The following CEACAM6 variants were observed in gnomAD, a reference collection of about 807,000 sequenced individuals.
CEACAM6 encodes the protein CEA cell adhesion molecule 6.
Under a neutral mutation model 32.4 loss-of-function variants are expected in CEACAM6, and 21 were observed. The observed-to-expected ratio is 0.65, with a 90% CI of 0.46 to 0.93. The LOEUF (loss-of-function observed/expected upper bound fraction) is 0.93. Ranked by LOEUF, CEACAM6 falls within the 40% of genes least tolerant of loss-of-function variation. The pLI, the probability that CEACAM6 is intolerant of heterozygous loss-of-function variation, is 0.00. For missense variants in CEACAM6, 406 were observed against 432.2 expected (o/e 0.94, Z 0.54); for synonymous variants, 184 against 174.4 (o/e 1.06, Z -0.43).
chr19:41,764,767 A>T (rs1410263333), intron 4 of CEACAM6, among the ~76,000 whole-genome samples: 1 of 151,968 alleles, frequency 6.6e-6, no homozygotes, highest in Non-Finnish European at 1.5e-5. Flanking sequence ...TGTTTCCTTC[A>T]TTCACTATCT....
chr19:41,766,273 T>G lies in CEACAM6; in HGVS notation c.*14T>G, dbSNP rs782802201. On this transcript the variant is annotated 3_prime_UTR_variant, in exon 5 of 6. Coordinates refer to ENST00000199764, the MANE Select transcript of CEACAM6 (RefSeq NM_002483.7). ...GCTCTGATATAGCAGCCCTGGTGTATTTTCGATATTTCAGGAAGACTGGCA... is the reference window on the plus strand; with the variant it reads ...GCTCTGATATAGCAGCCCTGGTGTAGTTTCGATATTTCAGGAAGACTGGCA... 2 of 1,569,218 alleles carry G rather than the reference T, an allele frequency of 1.3e-6. No individual in the cohort carries two copies. The highest frequency in any genetic ancestry group is 2.8e-5 in the African/African-American group (2 of 72,666).
In CEACAM6 at chr19:41,761,510, T is replaced by A. The variant is rs782730368; in HGVS notation, c.686T>A (p.Val229Asp). The A allele has an allele frequency of 6.2e-7, 1 of 1,614,026 alleles. No homozygotes were observed. Among genetic ancestry groups the A allele is most frequent in the African/African-American group, 1.3e-5 (1 of 74,906 alleles). ...GCGAGTGCCAACCGCAGTGACCCAG[T>A]CACCCTGAATGTCCTCTGTGAGTAT... ...NPASANRSDP[V>D]TLNVLYGPDV... Residue 229 changes from valine to aspartate, a missense_variant, in exon 3 of 6, where the codon GTC (valine) becomes GAC (aspartate). Val to Asp is a radical substitution (Grantham distance 152, BLOSUM62 -3). Coordinates refer to ENST00000199764, the MANE Select transcript of CEACAM6 (RefSeq NM_002483.7).
At position 41,756,959 on chromosome 19, in the gene CEACAM6, CGTGA is replaced by C. The variant is rs782465867; in HGVS notation, c.424+3_424+6del. 12 of 1,596,346 alleles carry C rather than the reference CGTGA, an allele frequency of 7.5e-6. No homozygotes were observed. The highest frequency in any genetic ancestry group is 1.7e-4 in the Middle Eastern group (1 of 5,956). On this transcript the variant is annotated splice_donor_variant and splice_donor_region_variant and intron_variant, in intron 2 of 5. Transcript: ENST00000199764. LOFTEE classifies it high-confidence loss of function. Reference sequence around the variant, plus strand: ...AGCAACCGGACAGTTCCATGTATACCGTGAGTATTTCCACATGACCTCTGGGTGT... The same window carrying C: ...AGCAACCGGACAGTTCCATGTATACCGTATTTCCACATGACCTCTGGGTGT...
intron 2 of CEACAM6, among the ~76,000 whole-genome samples, chr19:41,758,444 A>G (rs1156848624): frequency 6.6e-6 from 1 of 152,128 alleles, no homozygotes; most frequent in African/African-American, 2.4e-5. Flanking sequence ...TTCTGGCCAC[A>G]CCTGTTTCTT....
intron 2 of CEACAM6, among the ~76,000 whole-genome samples, chr19:41,758,597 C>T (rs1407169071): frequency 3.3e-5 from 5 of 152,130 alleles, no homozygotes; most frequent in African/African-American, 1.2e-4. Flanking sequence ...CCAAGAGGCT[C>T]CTGGTCCCTG....
chr19:41,765,494 G>A (rs1385332276), intron 4 of CEACAM6, among the ~76,000 whole-genome samples: 2 of 152,198 alleles, frequency 1.3e-5, no homozygotes, highest in African/African-American at 4.8e-5. Flanking sequence ...TGGGATTAGA[G>A]GTACAAGATA....
intron 2 of CEACAM6, 80 bp downstream of exon 2, chr19:41,757,039 C>A: frequency 1.3e-6 from 2 of 1,536,678 alleles, no homozygotes; most frequent in Admixed American, 2.1e-5. Flanking sequence ...CTGGGTTGTG[C>A]CTGTGGCCCT....
chr19:41,756,907 C>T lies in CEACAM6; in HGVS notation c.372C>T (p.Val124=). The change falls in exon 2 of 6, where the codon GTC becomes GTT. Residue 124 remains valine, a synonymous_variant. Transcript: ENST00000199764. Reference sequence around the variant, plus strand: ...ACACAGGATTCTATACCCTACAAGTCATAAAGTCAGATCTTGTGAATGAAG... The same window carrying T: ...ACACAGGATTCTATACCCTACAAGTTATAAAGTCAGATCTTGTGAATGAAG... The part of the protein sequence containing the change: ...QNDTGFYTLQ[V]IKSDLVNEEA... 1 of 1,613,804 alleles carries T rather than the reference C, an allele frequency of 6.2e-7. No individual in the cohort carries two copies. Among genetic ancestry groups the T allele is most frequent in the South Asian group, 1.1e-5 (1 of 91,064 alleles).
chr19:41,761,238 T>C lies in CEACAM6; in HGVS notation c.425-11T>C, dbSNP rs372425901. The C allele has an allele frequency of 3.7e-6, 6 of 1,614,048 alleles. No individual in the cohort carries two copies. The African/African-American group carries it at 4.0e-5, about 11-fold the overall frequency. ...CCACACAGGGCAATCTTCTCTCTGT[T>C]TTCTGCACAGCGGAGCTGCCCAAGC... is the stretch of plus-strand genomic sequence containing the variant. On this transcript the variant is annotated splice_polypyrimidine_tract_variant and intron_variant, in intron 2 of 5. Coordinates refer to ENST00000199764, the MANE Select transcript of CEACAM6 (RefSeq NM_002483.7).
intron 4 of CEACAM6, among the ~76,000 whole-genome samples, chr19:41,763,086 A>T (rs1458352371): frequency 6.6e-6 from 1 of 152,180 alleles, no homozygotes; most frequent in Non-Finnish European, 1.5e-5. Flanking sequence ...TAGAGAGGAT[A>T]AGACTACCAG....
rs1241562525 is a variant in CEACAM6, at chr19:41,771,818, C to T, written c.*1057C>T. The T allele has an allele frequency of 6.6e-6, 1 of 152,102 alleles. No homozygotes were observed. Among genetic ancestry groups the T allele is most frequent in the Non-Finnish European group, 1.5e-5 (1 of 68,034 alleles). 9.4% of individuals were successfully genotyped at this position (152,102 alleles called of 1,614,324 possible). ...GTGGTAACTGATAATAGCACTAATG[C>T]TTTAAGATTTGGTCACACTCTCACC... On this transcript the variant is annotated 3_prime_UTR_variant, in exon 6 of 6. Transcript: ENST00000199764.
rs192850889 is a variant in CEACAM6 at position 41,763,153 on chromosome 19, G to A, written c.958+930G>A. Among the ~76,000 whole-genome samples the A allele has an allele frequency of 2.0e-5, 3 of 152,214 alleles. No homozygotes were observed. In the East Asian group the frequency reaches 5.8e-4, roughly 29 times the overall value. ...TCAACCCTTCCACGTGTGCAGGTCC[G>A]TAGTATTAAACACATTCCCGTTGTT... On this transcript the variant is annotated intron_variant, in intron 4 of 5. Transcript: ENST00000199764.
In CEACAM6 at chr19:41,761,381, C is replaced by T. The variant is rs782366279; in HGVS notation, c.557C>T (p.Pro186Leu). The change falls in exon 3 of 6, where the codon CCG becomes CTG. Residue 186 changes from proline to leucine, a missense_variant. Pro to Leu is a moderately conservative substitution (Grantham distance 98). Coordinates refer to ENST00000199764, the MANE Select transcript of CEACAM6 (RefSeq NM_002483.7). ...YLWWVNGQSL[P>L]VSPRLQLSNG... ...TGGTGGGTAAATGGTCAGAGCCTCC[C>T]GGTCAGTCCCAGGCTGCAGCTGTCC... The T allele has an allele frequency of 6.8e-6, 11 of 1,614,068 alleles. No individual in the cohort carries two copies. The highest frequency in any genetic ancestry group is 2.7e-5 in the African/African-American group (2 of 74,930).
At chr19:41,767,210 C>T (rs2072961984) in intron 5 of CEACAM6, among the ~76,000 whole-genome samples, 1 of 152,102 alleles carries the variant, frequency 6.6e-6, no homozygotes, top group African/African-American at 2.4e-5. Context: ...CAATGTTACA[C>T]CTAAAAACAG....
At chr19:41,765,308 C>A (rs2072949822) in intron 4 of CEACAM6, among the ~76,000 whole-genome samples, 1 of 152,128 alleles carries the variant, frequency 6.6e-6, no homozygotes, top group Non-Finnish European at 1.5e-5. Flanking sequence ...CTAGGACATG[C>A]CCCTCAACAG....
chr19:41,769,415 T>G (rs1037830121), intron 5 of CEACAM6, among the ~76,000 whole-genome samples: 1 of 152,162 alleles, frequency 6.6e-6, no homozygotes, highest in Admixed American at 6.5e-5. Context: ...TTTCCAAAAT[T>G]TTAACAAACT....
intron 5 of CEACAM6, among the ~76,000 whole-genome samples, chr19:41,768,457 T>G (rs955254315): frequency 2.0e-4 from 30 of 152,264 alleles, no homozygotes; most frequent in Admixed American, 1.3e-4. Context: ...AGAAGAATTT[T>G]TCTTAGTACA....
chr19:41,769,924 C>T (rs1250042751), intron 5 of CEACAM6, among the ~76,000 whole-genome samples: 8 of 149,814 alleles, frequency 5.3e-5, no homozygotes, highest in Admixed American at 2.7e-4. Context: ...CCCTTTATAA[C>T]AGGATACATT....
intron 2 of CEACAM6, among the ~76,000 whole-genome samples, chr19:41,759,453 A>G (rs2072909655): frequency 6.6e-6 from 1 of 152,204 alleles, no homozygotes; most frequent in Non-Finnish European, 1.5e-5. Flanking sequence ...TTACTAACAT[A>G]ACACACGTTG....
Sources: allele counts gnomAD v4.1 joint callset (sites outside exome capture counted in the v4.1 genomes callset), GRCh38; gene constraint gnomAD v4.1.1; transcripts MANE v1.5; gene names NCBI Gene and HGNC (gene_info 2026-07-23, HGNC 2026-07-21).